SORBS2: variants seen among roughly 807,000 people sequenced by gnomAD.
The protein encoded by SORBS2 is sorbin and SH3 domain containing 2, also known as sorbin and SH3 domain-containing protein 2.
Under a neutral mutation model 97.7 loss-of-function variants are expected in SORBS2, and 46 were observed. The observed-to-expected ratio is 0.47, with a 90% CI of 0.37 to 0.60. The LOEUF is 0.60. Ranked by LOEUF, SORBS2 falls within the 20% of genes least tolerant of loss-of-function variation. The probability of loss-of-function intolerance (pLI) is 0.00; values close to 1 mark genes in which losing one functional copy is unlikely to be tolerated. For missense variants in SORBS2, 1,316 were observed against 1,282.3 expected (o/e 1.03, Z -0.40); for synonymous variants, 476 against 473.4 (o/e 1.01, Z -0.07).
In SORBS2 at chr4:185,623,417, C is replaced by T. The variant is rs777368592; in HGVS notation, c.1712G>A (p.Arg571Gln). The T allele has an allele frequency of 6.2e-7, 1 of 1,611,252 alleles. No homozygotes were observed. Among genetic ancestry groups the T allele is most frequent in the Non-Finnish European group, 8.5e-7 (1 of 1,179,988 alleles). The change falls in exon 7 of 15, where the codon CGA (arginine) becomes CAA (glutamine). Residue 571 changes from arginine (R) to glutamine (Q), a missense_variant. Arg to Gln is a conservative substitution (Grantham distance 43). Coordinates refer to ENST00000418609, the Ensembl canonical transcript of SORBS2. This position sits in a 1 kb window ranked among gnomAD's most constrained non-coding sequence, Gnocchi z 6.4. ...TTCGTGTTTTAACATTGTGGTAAAT[C>T]GAGTGTAGGAGGCCGGGCACCTGCC...
At position 185,721,084 on chromosome 4, in the gene SORBS2, CTTTTTTTTT is replaced by C. The variant is rs1160319469; in HGVS notation, c.-197-42271_-197-42263del. Among the ~76,000 whole-genome samples the C allele has an allele frequency of 3.3e-3, 303 of 92,178 alleles. 4 individuals carry two copies. Among genetic ancestry groups the C allele is most frequent in the African/African-American group, 0.013 (292 of 22,702 alleles). 60.5% of individuals were successfully genotyped at this position (92,178 alleles called of 152,430 possible). ...CCTAACTCCTGCTTTCCCACCTATT[CTTTTTTTTT>C]TTTTTTTTTTTTTGAGACAGAATCT... On this transcript the variant is annotated intron_variant, in intron 2 of 20. Coordinates refer to the SORBS2 transcript ENST00000284776.
chr4:185,684,824 T>C lies in SORBS2; in HGVS notation c.-197-6002A>G. The C allele has an allele frequency of 6.4e-7, 1 of 1,551,910 alleles. No individual in the cohort carries two copies. The highest frequency in any genetic ancestry group is 8.7e-7 in the Non-Finnish European group (1 of 1,147,044). On this transcript the variant is annotated intron_variant, in intron 2 of 20. Coordinates refer to the SORBS2 transcript ENST00000284776. This position sits in a 1 kb window ranked among gnomAD's most constrained non-coding sequence, Gnocchi z 4.2. ...TTAGCGTAACAGACATGGCGGCACG[T>C]TTGCGAGCACACCCACCGCTATCTG...
chr4:185,796,440 C>T lies in SORBS2; in HGVS notation c.-337-21074G>A, dbSNP rs183696977. ...GGGCCCTGCAGATTTATATGAAATC[C>T]ATCGCTCCATGCCTGGGCGCTGTGG... is the stretch of plus-strand genomic sequence containing the variant. On this transcript the variant is annotated intron_variant, in intron 1 of 20. Coordinates refer to the SORBS2 transcript ENST00000284776. Among the ~76,000 whole-genome samples, 151 of 151,924 alleles carry T rather than the reference C, an allele frequency of 9.9e-4. 6 individuals are homozygous for T. Among genetic ancestry groups the T allele is most frequent in the Non-Finnish European group, 1.1e-3 (77 of 67,866 alleles).
At chr4:185,813,226 G>C (rs148815578) in intron 1 of SORBS2, 87 of 152,230 alleles carry the variant, frequency 5.7e-4, no homozygotes, top group African/African-American at 1.9e-3. Context: ...TGTTCTATTT[G>C]CTAAGTAGTC....
chr4:185,666,107 C>G, intron 4 of SORBS2: 2 of 1,289,726 alleles, frequency 1.6e-6, no homozygotes, highest in Non-Finnish European at 2.0e-6. Flanking sequence ...AAAGGTACCA[C>G]GGAAGGAGGG....
chr4:185,706,733 T>A (rs1298497874), intron 2 of SORBS2, among the ~76,000 whole-genome samples: 1 of 152,262 alleles, frequency 6.6e-6, no homozygotes, highest in African/African-American at 2.4e-5. Flanking sequence ...TGTATTTATA[T>A]GTCTTCTAAA....
intron 1 of SORBS2, among the ~76,000 whole-genome samples, chr4:185,929,171 G>T (rs28753917): frequency 6.6e-6 from 1 of 152,052 alleles, no homozygotes; most frequent in African/African-American, 2.4e-5. Context: ...ATCCTATGAC[G>T]AGCTTGTTAC....
At position 185,645,284 on chromosome 4, in the gene SORBS2, T is replaced by C. The variant is rs79572793; in HGVS notation, c.396+1384A>G. ...CACTGTTTTCAATTTTCTGCAATGA[T>C]GACATTGTGTTTCACTCAATTCTCA... On this transcript the variant is annotated intron_variant, in intron 4 of 14. Transcript: ENST00000418609. Among the ~76,000 whole-genome samples the C allele has an allele frequency of 5.2e-3, 793 of 152,342 alleles. 8 individuals are homozygous for C. The highest frequency in any genetic ancestry group is 0.018 in the African/African-American group (760 of 41,566).
chr4:185,893,768 G>A (rs1259081043), intron 1 of SORBS2, among the ~76,000 whole-genome samples: 1 of 152,198 alleles, frequency 6.6e-6, no homozygotes, highest in African/African-American at 2.4e-5. Context: ...GGTTATGGGA[G>A]AGTGAAGGCA....
At chr4:185,610,649 T>C (rs1423722359) in intron 12 of SORBS2, among the ~76,000 whole-genome samples, 3 of 152,154 alleles carry the variant, frequency 2.0e-5, no homozygotes, top group Non-Finnish European at 4.4e-5. Flanking sequence ...AGGCTCATTT[T>C]CAAGAAGTAG....
chr4:185,874,521 G>A (rs35504695), intron 1 of SORBS2, among the ~76,000 whole-genome samples: 32,476 of 151,992 alleles, frequency 0.21, 4,044 homozygotes, highest in East Asian at 0.54. Context: ...TCATACTTAT[G>A]ATTTCCAAAT....
intron 14 of SORBS2, 187 bp from the exon 27 acceptor site, chr4:185,587,875 G>T: frequency 3.8e-6 from 2 of 530,838 alleles, no homozygotes; most frequent in Non-Finnish European, 6.7e-6. Context: ...GTTGCCTGAC[G>T]CTCTCACTGC....
intron 1 of SORBS2, among the ~76,000 whole-genome samples, chr4:185,931,391 A>G (rs1044326562): frequency 4.6e-5 from 7 of 152,216 alleles, no homozygotes; most frequent in African/African-American, 1.7e-4. Flanking sequence ...CACAGATTTT[A>G]TGAGGGGGGA....
intron 1 of SORBS2, among the ~76,000 whole-genome samples, chr4:185,826,984 C>T (rs1246302147): frequency 6.7e-6 from 1 of 148,340 alleles, no homozygotes; most frequent in African/African-American, 2.5e-5. Context: ...TTCTCCACTG[C>T]TACCACTGTA....
chr4:185,782,599 A>G (rs1337433789), intron 1 of SORBS2, among the ~76,000 whole-genome samples: 1 of 152,270 alleles, frequency 6.6e-6, no homozygotes, highest in African/African-American at 2.4e-5. Context: ...GCAGATATAA[A>G]GTAACACATC....
At chr4:185,676,971 C>A in intron 4 of SORBS2, 1 of 1,543,418 alleles carries the variant, frequency 6.5e-7, no homozygotes, top group African/African-American at 1.4e-5. Context: ...TGTATTAATA[C>A]GAAGAGACTG....
intron 1 of SORBS2, among the ~76,000 whole-genome samples, chr4:185,653,035 C>T (rs1287615275): frequency 6.6e-6 from 1 of 152,158 alleles, no homozygotes; most frequent in Admixed American, 6.5e-5. Context: ...ATATAAAGTT[C>T]ACTTAATGTA....
intron 1 of SORBS2, among the ~76,000 whole-genome samples, chr4:185,955,374 GA>G (rs1383354952): frequency 6.6e-6 from 1 of 152,158 alleles, no homozygotes; most frequent in African/African-American, 2.4e-5. Context: ...CTGTATAGAA[GA>G]AACAACTGTG....
At chr4:185,704,732 A>G (rs958700263) in intron 2 of SORBS2, among the ~76,000 whole-genome samples, 1 of 152,238 alleles carries the variant, frequency 6.6e-6, no homozygotes, top group Non-Finnish European at 1.5e-5. Flanking sequence ...AAATAAGACA[A>G]GAAACATTCA....
Sources: gnomAD v4.1 joint callset for allele counts (sites outside exome capture counted in the v4.1 genomes callset) on GRCh38, gnomAD v4.1.1 for gene constraint, Gnocchi (gnomAD v3.1) non-coding constraint, MANE v1.5 for transcripts, NCBI Gene and HGNC (gene_info 2026-07-23, HGNC 2026-07-21) for gene names.